Variants in TJP1 observed in about 807,000 individuals in gnomAD.
The protein encoded by TJP1 is tight junction protein ZO-1.
TJP1 carries 43 observed loss-of-function variants against 194.2 expected under a neutral mutation model. The observed-to-expected ratio is 0.22, with a 90% CI of 0.17 to 0.29. TJP1 has a LOEUF of 0.29. Ranked by LOEUF, TJP1 falls within the 10% of genes least tolerant of loss-of-function variation. The pLI is 1.00. For synonymous variants in TJP1, 801 were observed against 779.0 expected (o/e 1.03, Z -0.47); for missense variants, 1,971 against 2,185.7 (o/e 0.90, Z 1.96).
intron 8 of TJP1, chr15:29,759,370 G>A (rs181005490): frequency 6.6e-5 from 10 of 151,962 alleles, no homozygotes; most frequent in African/African-American, 2.4e-4. Context: ...AATAAACATT[G>A]TATCTATTAA....
At chr15:29,864,916 T>G (rs1433280943) in intron 2 of TJP1, among the ~76,000 whole-genome samples, 1 of 152,204 alleles carries the variant, frequency 6.6e-6, no homozygotes, top group African/African-American at 2.4e-5. Context: ...TTGGTAAAAC[T>G]GTTTTCTAAA....
At chr15:29,798,267 A>G (rs1595929785) in intron 2 of TJP1, among the ~76,000 whole-genome samples, 1 of 62,600 alleles carries the variant, frequency 1.6e-5, no homozygotes, top group African/African-American at 4.8e-5. Flanking sequence ...CACTGTGCCC[A>G]GCGTTTTTTT....
chr15:29,847,702 G>T (rs1403601656), intron 2 of TJP1, among the ~76,000 whole-genome samples: 1 of 152,080 alleles, frequency 6.6e-6, no homozygotes, highest in Non-Finnish European at 1.5e-5. Flanking sequence ...GGAGAATGGT[G>T]TGAACCCGGG....
chr15:29,732,135 T>C (rs1185512661), intron 15 of TJP1: 7 of 298,182 alleles, frequency 2.3e-5, no homozygotes, highest in Non-Finnish European at 4.4e-5. Context: ...TACTCAACTG[T>C]AACATGGATA....
At chr15:29,831,202 A>G (rs1174095076) in intron 2 of TJP1, among the ~76,000 whole-genome samples, 4 of 152,340 alleles carry the variant, frequency 2.6e-5, no homozygotes, top group African/African-American at 9.6e-5. Flanking sequence ...AGATAGCCAA[A>G]TAACTCTAAT....
chr15:29,757,165 G>T (rs7496132), intron 8 of TJP1, among the ~76,000 whole-genome samples: 6 of 152,138 alleles, frequency 3.9e-5, no homozygotes, highest in Non-Finnish European at 8.8e-5. Flanking sequence ...AAAGCCCTAA[G>T]AATTCACTAT....
chr15:29,757,247 T>C (rs1460708136), intron 8 of TJP1, among the ~76,000 whole-genome samples: 1 of 152,172 alleles, frequency 6.6e-6, no homozygotes, highest in Admixed American at 6.5e-5. Flanking sequence ...ATCCTAAAAA[T>C]ATACAAAAGT....
At chr15:29,959,732 C>T (rs1225212312) in intron 1 of TJP1, among the ~76,000 whole-genome samples, 1 of 152,176 alleles carries the variant, frequency 6.6e-6, no homozygotes, top group Non-Finnish European at 1.5e-5. Flanking sequence ...TGATGACATT[C>T]TTTATTGTTT....
intron 2 of TJP1, among the ~76,000 whole-genome samples, chr15:29,918,809 T>C (rs2054267180): frequency 6.6e-6 from 1 of 151,402 alleles, no homozygotes; most frequent in Non-Finnish European, 1.5e-5. Context: ...TCCCAGCAAA[T>C]AGCGTAAAAA....
intron 18 of TJP1, among the ~76,000 whole-genome samples, chr15:29,722,614 G>A (rs1283002356): frequency 1.3e-5 from 2 of 152,162 alleles, no homozygotes; most frequent in Non-Finnish European, 2.9e-5. Context: ...TGGGGTTGGA[G>A]CCCCCCACCA....
Position 29,718,559 on chromosome 15 carries a change from A to G in TJP1, c.3583T>C (p.Tyr1195His), listed in dbSNP as rs2042718079. ...PAESKQYFEQ[Y>H]SRSYEQVPPQ... ...GGTACTTGCTCGTAACTGCGTGAAT[A>G]TTGCTCAAAATACTGCTTGGACTCT... Residue 1195 changes from tyrosine to histidine, a missense_variant, in exon 21 of 28, where the codon TAT becomes CAT. Physicochemically the swap from Tyr to His is moderately conservative, Grantham distance 83. Around this residue, in one of 5 missense-constraint regions of TJP1, gnomAD observed 1,108 missense variants for 1,128.5 expected, o/e 0.98. Coordinates refer to ENST00000614355, the MANE Select transcript of TJP1 (RefSeq NM_001330239.4). 3.1e-6 allele frequency: 5 copies of G among 1,614,122 alleles called. No homozygotes were observed. Among genetic ancestry groups the G allele is most frequent in the Non-Finnish European group, 4.2e-6 (5 of 1,180,020 alleles).
chr15:29,783,180 A>T (rs1480008697), intron 2 of TJP1, among the ~76,000 whole-genome samples: 2 of 152,178 alleles, frequency 1.3e-5, no homozygotes, highest in Admixed American at 6.5e-5. Flanking sequence ...AGGCTGAGGC[A>T]GGAGAATCGT....
At chr15:29,720,184 T>G in intron 19 of TJP1, 168 bp from the exon 20 acceptor site, 1 of 1,136,290 alleles carries the variant, frequency 8.8e-7, no homozygotes. Flanking sequence ...TACATTGCTG[T>G]GTTAAGACAA....
intron 2 of TJP1, among the ~76,000 whole-genome samples, chr15:29,790,323 T>A (rs1399377605): frequency 6.6e-6 from 1 of 152,244 alleles, no homozygotes; most frequent in Non-Finnish European, 1.5e-5. Flanking sequence ...ATGAAGTCAA[T>A]TAAGTTATGC....
chr15:29,747,101 A>G (rs1189812217), intron 8 of TJP1, among the ~76,000 whole-genome samples: 1 of 152,174 alleles, frequency 6.6e-6, no homozygotes, highest in African/African-American at 2.4e-5. Context: ...CCTGACCAAC[A>G]TGGTGAAAAC....
chr15:29,758,487 C>T (rs1281046580), intron 8 of TJP1, among the ~76,000 whole-genome samples: 1 of 152,138 alleles, frequency 6.6e-6, no homozygotes, highest in Non-Finnish European at 1.5e-5. Context: ...TGCTGAGGAA[C>T]TCTAAATGAA....
chr15:29,800,569 C>T (rs1567053967), intron 2 of TJP1, 77 bp downstream of exon 2: 3 of 1,450,686 alleles, frequency 2.1e-6, no homozygotes, highest in Non-Finnish European at 2.9e-6. Flanking sequence ...TTCCTGACAT[C>T]TGGCTTTCCT....
chr15:29,830,938 C>T (rs1044335214), intron 2 of TJP1, among the ~76,000 whole-genome samples: 6 of 151,908 alleles, frequency 3.9e-5, no homozygotes, highest in African/African-American at 1.5e-4. Context: ...AAAGATGATA[C>T]AATTTGATCC....
intron 2 of TJP1, among the ~76,000 whole-genome samples, chr15:29,955,184 G>A (rs992954798): frequency 1.2e-4 from 19 of 152,066 alleles, no homozygotes; most frequent in African/African-American, 4.3e-4. Flanking sequence ...TTCATACTTT[G>A]ATGTCATTTT....
Sources: gnomAD v4.1 joint callset for allele counts (sites outside exome capture counted in the v4.1 genomes callset) on GRCh38, gnomAD v4.1.1 for gene constraint, gnomAD v4.1.1 regional missense constraint, MANE v1.5 for transcripts, NCBI Gene and HGNC (gene_info 2026-07-23, HGNC 2026-07-21) for gene names.